The following ANKFN1 variants were observed in gnomAD, a reference collection of about 807,000 sequenced individuals.
ANKFN1 encodes ankyrin repeat and fibronectin type-III domain-containing protein 1.
ANKFN1 carries 74 observed loss-of-function variants against 108.7 expected under a neutral mutation model. The ratio of observed to expected loss-of-function variants is 0.68; its 90% CI spans 0.56 to 0.83. The LOEUF (loss-of-function observed/expected upper bound fraction) is 0.83. Among genes scored for constraint, ANKFN1 ranks in the 40% least tolerant of loss-of-function variants. The probability of loss-of-function intolerance (pLI) is 0.00; values close to 1 mark genes in which losing one functional copy is unlikely to be tolerated. For missense variants in ANKFN1, 1,505 were observed against 1,382.3 expected (o/e 1.09, Z -1.41); for synonymous variants, 547 against 516.2 (o/e 1.06, Z -0.81).
At chr17:56,467,773 AAGAAAGAAAG>A (rs1213518327) in intron 15 of ANKFN1, among the ~76,000 whole-genome samples, 2,687 of 22,798 alleles carry the variant, frequency 0.12, 95 homozygotes, top group East Asian at 0.41. Context: ...GAAAGAAAGA[AAGAAAGAAAG>A]AAAGAAAGAA....
At chr17:56,321,383 C>G (rs1026356751) in intron 3 of ANKFN1, among the ~76,000 whole-genome samples, 2 of 151,068 alleles carry the variant, frequency 1.3e-5, no homozygotes, top group Admixed American at 6.6e-5. Flanking sequence ...GCTGGCCAGG[C>G]TCTTTGCTGA....
chr17:56,313,940 A>C (rs924916776), intron 3 of ANKFN1, among the ~76,000 whole-genome samples: 1 of 152,180 alleles, frequency 6.6e-6, no homozygotes, highest in African/African-American at 2.4e-5. Flanking sequence ...CCACCAACCC[A>C]GTACAACCTA....
Position 56,118,242 on chromosome 17 carries a change from A to T in ANKFN1, c.288+71917A>T, listed in dbSNP as rs140934054. Among the ~76,000 whole-genome samples the T allele has an allele frequency of 2.9e-3, 446 of 152,264 alleles. 2 individuals carry two copies. The highest frequency in any genetic ancestry group is 0.01 in the African/African-American group (426 of 41,564). On this transcript the variant is annotated intron_variant, in intron 4 of 12. Coordinates refer to the ANKFN1 transcript ENST00000635860. ...ATGTTTTAATTTCTTCTGGATATAC[A>T]TCTACAAGGGGAATCTCTAGATCAG...
At chr17:56,208,485 C>T (rs776022670) in intron 1 of ANKFN1, among the ~76,000 whole-genome samples, 20 of 152,180 alleles carry the variant, frequency 1.3e-4, no homozygotes, top group African/African-American at 3.4e-4. Flanking sequence ...AGCTGTCCCC[C>T]GGGGATAAGG....
chr17:56,312,081 C>T (rs1200388825), intron 3 of ANKFN1, among the ~76,000 whole-genome samples: 1 of 152,172 alleles, frequency 6.6e-6, no homozygotes, highest in African/African-American at 2.4e-5. Context: ...TATCTTCCTT[C>T]ACCCCCACCA....
intron 20 of ANKFN1, among the ~76,000 whole-genome samples, chr17:56,503,322 C>T (rs2145463719): frequency 6.6e-6 from 1 of 151,702 alleles, no homozygotes; most frequent in South Asian, 2.1e-4. Context: ...TCAAAAAAAT[C>T]AACAAGAATC....
chr17:56,158,766 T>A (rs1007611019), intron 1 of ANKFN1, among the ~76,000 whole-genome samples: 13 of 152,108 alleles, frequency 8.5e-5, no homozygotes, highest in Admixed American at 3.3e-4. Flanking sequence ...CCGCATGTAT[T>A]TTCCCCCCTA....
chr17:56,300,356 T>C (rs2044637881), intron 3 of ANKFN1, among the ~76,000 whole-genome samples: 1 of 152,190 alleles, frequency 6.6e-6, no homozygotes, highest in Admixed American at 6.5e-5. Flanking sequence ...TCAAGTTATT[T>C]CTCAGGAGTT....
At position 56,144,156 on chromosome 17, in the gene ANKFN1, G is replaced by GAAAAAAA. The variant is rs59884444; in HGVS notation, c.289-83738_289-83732dup. On this transcript the variant is annotated intron_variant, in intron 4 of 12. Coordinates refer to the ANKFN1 transcript ENST00000635860. ...GCCTGACACAAACAGAGGCGCATCT[G>GAAAAAAA]AAAAAAAAAAAAAAAAAAAAAAAAA... is the stretch of plus-strand genomic sequence containing the variant. Among the ~76,000 whole-genome samples, 21 of 40,558 alleles carry GAAAAAAA rather than the reference G, an allele frequency of 5.2e-4. 1 individual carries two copies. The highest frequency in any genetic ancestry group is 1.8e-3 in the African/African-American group (20 of 10,854). The allele number at this position is 40,558 out of a possible 152,430, so 26.6% of individuals were successfully genotyped here.
chr17:56,507,130 C>A (rs969608437), intron 20 of ANKFN1, among the ~76,000 whole-genome samples: 4 of 152,166 alleles, frequency 2.6e-5, no homozygotes, highest in African/African-American at 9.7e-5. Context: ...ATTTCAAGAG[C>A]AATTTCAAAT....
chr17:56,169,391 C>A (rs752392799), intron 1 of ANKFN1, among the ~76,000 whole-genome samples: 6 of 152,112 alleles, frequency 3.9e-5, no homozygotes, highest in Non-Finnish European at 8.8e-5. Context: ...CCTACCTCAG[C>A]TTCCCAAGTA....
intron 3 of ANKFN1, among the ~76,000 whole-genome samples, chr17:56,295,540 C>T (rs115998174): frequency 0.014 from 2,122 of 152,204 alleles, 58 homozygotes; most frequent in African/African-American, 0.049. Context: ...CACACTGATA[C>T]ATGAAAACCA....
At chr17:56,203,658 C>T (rs997341708) in intron 1 of ANKFN1, among the ~76,000 whole-genome samples, 5 of 152,306 alleles carry the variant, frequency 3.3e-5, no homozygotes, top group Non-Finnish European at 7.3e-5. Context: ...TCCTGCTCTT[C>T]GTGTTTGCTC....
upstream of ANKFN1, among the ~76,000 whole-genome samples, chr17:56,149,938 T>C (rs530637680): frequency 5.9e-5 from 9 of 152,348 alleles, no homozygotes; most frequent in Non-Finnish European, 1.3e-4. Flanking sequence ...AACAAAGCCA[T>C]GCTTTCTGAG....
intron 8 of ANKFN1, among the ~76,000 whole-genome samples, chr17:56,385,570 A>G (rs529861284): frequency 1.3e-5 from 2 of 152,346 alleles, no homozygotes; most frequent in Non-Finnish European, 2.9e-5. Context: ...CAACCTACTC[A>G]TCTGACAATG....
intron 3 of ANKFN1, among the ~76,000 whole-genome samples, chr17:56,262,454 G>C (rs191121211): frequency 4.5e-4 from 68 of 152,282 alleles, no homozygotes; most frequent in African/African-American, 1.5e-3. Context: ...TCCCTGCTCT[G>C]TTTTTAAGGG....
chr17:56,409,980 T>C (rs1298125324), intron 8 of ANKFN1, among the ~76,000 whole-genome samples: 1 of 152,140 alleles, frequency 6.6e-6, no homozygotes, highest in Non-Finnish European at 1.5e-5. Context: ...ATATAATTTT[T>C]TTAAAAAAAC....
intron 1 of ANKFN1, among the ~76,000 whole-genome samples, chr17:56,157,538 T>C (rs940694938): frequency 1.3e-5 from 2 of 152,272 alleles, no homozygotes; most frequent in African/African-American, 4.8e-5. Context: ...CTCCTTCCTC[T>C]CTCGAGACTT....
At chr17:56,166,123 T>G (rs1411782291) in intron 1 of ANKFN1, among the ~76,000 whole-genome samples, 1 of 152,126 alleles carries the variant, frequency 6.6e-6, no homozygotes, top group South Asian at 2.1e-4. Context: ...AAAAAATGCA[T>G]AAAAAAAGTA....
Sources: gnomAD v4.1 joint callset for allele counts (sites outside exome capture counted in the v4.1 genomes callset) on GRCh38, gnomAD v4.1.1 for gene constraint, MANE v1.5 for transcripts, NCBI Gene and HGNC (gene_info 2026-07-23, HGNC 2026-07-21) for gene names.